CNKSR3: variants seen among roughly 807,000 people sequenced by gnomAD.
CNKSR3 encodes connector enhancer of kinase suppressor of ras 3.
A neutral mutation model predicts 67.7 loss-of-function variants in CNKSR3; 36 were observed. That is an observed-to-expected ratio of 0.53 (90% confidence interval 0.41 to 0.70). CNKSR3 has a LOEUF of 0.70. CNKSR3 is among the 30% of genes least tolerant of loss of function. The pLI, the probability that CNKSR3 is intolerant of heterozygous loss-of-function variation, is 0.00. For synonymous variants in CNKSR3, 281 were observed against 271.4 expected (o/e 1.04, Z -0.35); for missense variants, 630 against 695.2 (o/e 0.91, Z 1.05).
rs73572880 is a variant in CNKSR3, at chr6:154,414,150, G to A, written c.1070+149C>T. Reference sequence around the variant, plus strand: ...TGTCCCTACACTCCTATAAAATAAGGCTGATCATACTTTTAACGGCAGTTC... The same window carrying A: ...TGTCCCTACACTCCTATAAAATAAGACTGATCATACTTTTAACGGCAGTTC... On this transcript the variant is annotated intron_variant, in intron 10 of 12. Coordinates refer to ENST00000607772, the MANE Select transcript of CNKSR3 (RefSeq NM_173515.4). The A allele has an allele frequency of 1.4e-3, 1,052 of 774,000 alleles. 9 individuals are homozygous for A. In the African/African-American group the frequency reaches 0.017, roughly 12 times the overall value. The allele number at this position is 774,000 out of a possible 1,614,324, so 47.9% of individuals were successfully genotyped here. A position where few individuals can be genotyped will look rare whatever the true frequency, so the allele number is the denominator to read the frequency against.
chr6:154,501,663 G>C (rs530881070), intron 1 of CNKSR3, among the ~76,000 whole-genome samples: 1 of 151,970 alleles, frequency 6.6e-6, no homozygotes, highest in East Asian at 1.9e-4. Context: ...TTCTGATGAC[G>C]TCATCCAAAG....
At chr6:154,509,935 G>T in intron 1 of CNKSR3, 128 bp downstream of exon 1, 1 of 990,942 alleles carries the variant, frequency 1.0e-6, no homozygotes, top group Non-Finnish European at 1.6e-6. Context: ...GCAGAAGTTT[G>T]CATTGTCACC....
chr6:154,450,850 G>A (rs1302712555), intron 1 of CNKSR3, among the ~76,000 whole-genome samples: 1 of 152,128 alleles, frequency 6.6e-6, no homozygotes, highest in African/African-American at 2.4e-5. Flanking sequence ...GGCAATGCTG[G>A]CAGTCATTTT....
At chr6:154,410,536 TAGAC>T (rs1784889412) in intron 11 of CNKSR3, 104 bp from the exon 12 acceptor site, 7 of 701,322 alleles carry the variant, frequency 1.0e-5, no homozygotes, top group Non-Finnish European at 1.8e-5. Context: ...CACACCCACT[TAGAC>T]AGAAGCAATA....
chr6:154,473,760 A>C, intron 1 of CNKSR3, among the ~76,000 whole-genome samples: 1 of 151,582 alleles, frequency 6.6e-6, no homozygotes, highest in South Asian at 2.1e-4. Context: ...CAATCACTTA[A>C]TTTTCCCATG....
At chr6:154,486,281 TTCTC>T (rs892103231) in intron 1 of CNKSR3, among the ~76,000 whole-genome samples, 7 of 150,642 alleles carry the variant, frequency 4.6e-5, no homozygotes, top group South Asian at 2.1e-4. Flanking sequence ...GTCTTCTCTT[TTCTC>T]TCTCTCTCTT....
intron 7 of CNKSR3, among the ~76,000 whole-genome samples, chr6:154,426,675 G>C (rs1208680450): frequency 2.0e-5 from 3 of 152,126 alleles, no homozygotes; most frequent in Non-Finnish European, 4.4e-5. Context: ...TTAAAACGGG[G>C]GGTGGTGCAA....
chr6:154,429,502 T>C (rs946477649), intron 6 of CNKSR3, among the ~76,000 whole-genome samples: 1 of 152,218 alleles, frequency 6.6e-6, no homozygotes, highest in Non-Finnish European at 1.5e-5. Flanking sequence ...AATATGTGAC[T>C]ATAAACCTAC....
At chr6:154,454,526 A>C (rs1785910711) in intron 1 of CNKSR3, among the ~76,000 whole-genome samples, 2 of 152,134 alleles carry the variant, frequency 1.3e-5, no homozygotes, top group South Asian at 4.2e-4. Flanking sequence ...ATCTCTATTA[A>C]CAGAAAAAAT....
chr6:154,507,734 G>T (rs1358467458), intron 1 of CNKSR3, among the ~76,000 whole-genome samples: 3 of 152,120 alleles, frequency 2.0e-5, no homozygotes, highest in African/African-American at 7.2e-5. Flanking sequence ...CCAACCACAG[G>T]TATGTAACCT....
At chr6:154,417,562 A>C (rs1447896770) in intron 9 of CNKSR3, among the ~76,000 whole-genome samples, 3 of 152,120 alleles carry the variant, frequency 2.0e-5, no homozygotes, top group Non-Finnish European at 1.5e-5. Flanking sequence ...TTATGGGCTG[A>C]ACTGTGTCCC....
rs2128710102 is a variant in CNKSR3 at position 154,406,542 on chromosome 6, C to G, written c.1480G>C (p.Val494Leu). 1 of 1,614,214 alleles carries G rather than the reference C, an allele frequency of 6.2e-7. No homozygotes were observed. Among genetic ancestry groups the G allele is most frequent in the East Asian group, 2.2e-5 (1 of 44,882 alleles). The change falls in exon 13 of 13, where the codon GTC becomes CTC. Residue 494 changes from valine to leucine, a missense_variant. Val to Leu is a conservative substitution (Grantham distance 32). Coordinates refer to ENST00000607772, the MANE Select transcript of CNKSR3 (RefSeq NM_173515.4). ...FSRPTTERHL[V>L]RGADYIRGSR... ...CCTCGGATGTAGTCCGCACCCCGGA[C>G]CAGATGCCGCTCGGTCGTGGGTCTG...
At chr6:154,463,038 C>T (rs1359225721) in intron 1 of CNKSR3, among the ~76,000 whole-genome samples, 1 of 152,138 alleles carries the variant, frequency 6.6e-6, no homozygotes, top group Non-Finnish European at 1.5e-5. Context: ...TGTACAATTT[C>T]CCCCCACCCT....
At position 154,429,496 on chromosome 6, in the gene CNKSR3, T is replaced by C. The variant is rs571956181; in HGVS notation, c.669+976A>G. Among the ~76,000 whole-genome samples, 45 of 152,342 alleles carry C rather than the reference T, an allele frequency of 3.0e-4. 1 individual carries two copies. The Middle Eastern group carries it at 0.014, about 46-fold the overall frequency. ...CTCAGGACATTTATCTGCTTAAATA[T>C]GTGACTATAAACCTACCTCCAGGAA... On this transcript the variant is annotated intron_variant, in intron 6 of 12. Transcript: ENST00000607772.
chr6:154,445,629 G>T (rs1785693142), intron 2 of CNKSR3, among the ~76,000 whole-genome samples: 1 of 152,162 alleles, frequency 6.6e-6, no homozygotes, highest in South Asian at 2.1e-4. Context: ...ACTCAAAGAG[G>T]ATTAAGAGCA....
At position 154,510,222 on chromosome 6, in the gene CNKSR3, G is replaced by A. The variant is rs548128952; in HGVS notation, c.-108C>T. ...GGCGCGCCCGCGGCTGCTCCCCTGCGCCCGAGCGACTCCGTCAAGACTGCA... is the reference window on the plus strand; with the variant it reads ...GGCGCGCCCGCGGCTGCTCCCCTGCACCCGAGCGACTCCGTCAAGACTGCA... On this transcript the variant is annotated 5_prime_UTR_variant, in exon 1 of 13. Coordinates refer to ENST00000607772, the MANE Select transcript of CNKSR3 (RefSeq NM_173515.4). 4.7e-5 allele frequency: 63 copies of A among 1,327,156 alleles called. 1 individual carries two copies. In the South Asian group the frequency reaches 7.5e-4, roughly 16 times the overall value. 82.2% of individuals were successfully genotyped at this position (1,327,156 alleles called of 1,614,324 possible).
At chr6:154,486,638 A>G (rs960271561) in intron 1 of CNKSR3, among the ~76,000 whole-genome samples, 4 of 150,428 alleles carry the variant, frequency 2.7e-5, no homozygotes, top group Non-Finnish European at 4.4e-5. Flanking sequence ...GATTACAGGC[A>G]CACACCACCA....
At chr6:154,474,026 G>A (rs1007410229) in intron 1 of CNKSR3, among the ~76,000 whole-genome samples, 7 of 150,642 alleles carry the variant, frequency 4.6e-5, no homozygotes, top group African/African-American at 1.5e-4. Flanking sequence ...CTTGTGATCC[G>A]TCCACCTCGG....
chr6:154,447,109 T>C (rs116661769), intron 2 of CNKSR3, among the ~76,000 whole-genome samples: 3 of 152,284 alleles, frequency 2.0e-5, no homozygotes, highest in Admixed American at 1.3e-4. Flanking sequence ...GTGTAAGCCA[T>C]TGCACCCGGC....
Sources: allele counts gnomAD v4.1 joint callset (sites outside exome capture counted in the v4.1 genomes callset), GRCh38; gene constraint gnomAD v4.1.1; transcripts MANE v1.5; gene names NCBI Gene and HGNC (gene_info 2026-07-23, HGNC 2026-07-21).